The following ROBO2 variants were observed in gnomAD, a reference collection of about 807,000 sequenced individuals.
ROBO2 encodes roundabout guidance receptor 2.
Under a neutral mutation model 160.8 loss-of-function variants are expected in ROBO2, and 53 were observed. The observed-to-expected ratio is 0.33, with a 90% CI of 0.26 to 0.41. The LOEUF is 0.41. ROBO2 is among the 10% of genes least tolerant of loss of function. The pLI is 1.00. For missense variants in ROBO2, 1,577 were observed against 1,722.4 expected (o/e 0.92, Z 1.49); for synonymous variants, 664 against 611.7 (o/e 1.09, Z -1.26).
chr3:76,732,641 T>A (rs1252636736), intron 2 of ROBO2, among the ~76,000 whole-genome samples: 1 of 152,042 alleles, frequency 6.6e-6, no homozygotes. Flanking sequence ...CACTTACTCT[T>A]TGATGGTTGA....
intron 2 of ROBO2, among the ~76,000 whole-genome samples, chr3:77,114,806 A>G (rs1319196245): frequency 1.3e-5 from 2 of 152,188 alleles, no homozygotes; most frequent in Non-Finnish European, 2.9e-5. Flanking sequence ...TATTTGACTT[A>G]CACCTTGTAT....
exon 24 of ROBO2, chr3:77,635,011 C>T: frequency 1.2e-6 from 2 of 1,614,148 alleles, no homozygotes; most frequent in Non-Finnish European, 1.7e-6. Context: ...CAACAACCAG[C>T]ATTGCCTCAT....
At chr3:76,297,656 A>C (rs1380021970) in intron 2 of ROBO2, among the ~76,000 whole-genome samples, 1 of 151,198 alleles carries the variant, frequency 6.6e-6, no homozygotes, top group African/African-American at 2.4e-5. Context: ...ATTGTATTTC[A>C]AGAAAAAAAA....
At chr3:77,382,098 G>A (rs1406326405) in intron 2 of ROBO2, among the ~76,000 whole-genome samples, 1 of 152,074 alleles carries the variant, frequency 6.6e-6, no homozygotes, top group South Asian at 2.1e-4. Context: ...TACCAACAAA[G>A]GAACACATGA....
At chr3:76,083,381 G>T (rs1157737075) in intron 2 of ROBO2, among the ~76,000 whole-genome samples, 1 of 152,056 alleles carries the variant, frequency 6.6e-6, no homozygotes, top group South Asian at 2.1e-4. Context: ...GAGAGTTAAG[G>T]TTGACAAAAA....
intron 2 of ROBO2, among the ~76,000 whole-genome samples, chr3:77,134,350 C>T (rs72891543): frequency 0.11 from 16,984 of 152,066 alleles, 2,053 homozygotes; most frequent in African/African-American, 0.3. Context: ...TTTGTAGTAC[C>T]GATTTTGGTC....
At chr3:77,462,934 G>A (rs1269876384) in intron 2 of ROBO2, among the ~76,000 whole-genome samples, 1 of 152,124 alleles carries the variant, frequency 6.6e-6, no homozygotes, top group Non-Finnish European at 1.5e-5. Flanking sequence ...CCTCCAAAAA[G>A]CCTTCCTTAT....
chr3:77,164,890 G>T (rs2078899253), intron 2 of ROBO2, among the ~76,000 whole-genome samples: 1 of 101,422 alleles, frequency 9.9e-6, no homozygotes, highest in African/African-American at 3.3e-5. Context: ...GGGAGGTGGG[G>T]GGGTCAGCCC....
At chr3:76,441,739 A>T (rs1448821778) in intron 2 of ROBO2, among the ~76,000 whole-genome samples, 1 of 152,190 alleles carries the variant, frequency 6.6e-6, no homozygotes, top group Admixed American at 6.5e-5. Context: ...GAAGAAATGC[A>T]AATTAAATGT....
Position 76,749,644 on chromosome 3 carries a change from A to T in ROBO2, c.110-348370A>T, listed in dbSNP as rs372608299. On this transcript the variant is annotated intron_variant, in intron 2 of 26. Coordinates refer to the ROBO2 transcript ENST00000487694. ...AAATGATAATGAAAGAATATATTTT[A>T]TATTAATGGGTATACAAGTATCAAT... Among the ~76,000 whole-genome samples, 5 of 152,142 alleles carry T rather than the reference A, an allele frequency of 3.3e-5. No homozygotes were observed. The East Asian group carries it at 7.7e-4, about 24-fold the overall frequency.
chr3:77,033,709 A>G (rs1165095870), intron 2 of ROBO2, among the ~76,000 whole-genome samples: 6 of 152,132 alleles, frequency 3.9e-5, no homozygotes, highest in Admixed American at 1.3e-4. Context: ...ATTACAGATG[A>G]GTAATCTTAG....
chr3:76,708,081 C>T (rs980247652), intron 2 of ROBO2, among the ~76,000 whole-genome samples: 1 of 152,146 alleles, frequency 6.6e-6, no homozygotes, highest in South Asian at 2.1e-4. Context: ...AGCAAAAGCA[C>T]ATAGCTCTAG....
intron 2 of ROBO2, among the ~76,000 whole-genome samples, chr3:76,199,906 C>A (rs1404981085): frequency 1.3e-5 from 2 of 152,106 alleles, no homozygotes; most frequent in Non-Finnish European, 2.9e-5. Flanking sequence ...TGAGCCTTAG[C>A]CAAATTCAAG....
intron 2 of ROBO2, among the ~76,000 whole-genome samples, chr3:76,590,106 T>TTA (rs1009233464): frequency 6.6e-6 from 1 of 152,168 alleles, no homozygotes; most frequent in Non-Finnish European, 1.5e-5. Flanking sequence ...CTCTCATGTA[T>TTA]TATATATACG....
At chr3:76,628,829 A>C (rs1251066887) in intron 2 of ROBO2, among the ~76,000 whole-genome samples, 1 of 152,212 alleles carries the variant, frequency 6.6e-6, no homozygotes, top group East Asian at 1.9e-4. Context: ...AATTTCCTCC[A>C]TAAATAAAAG....
chr3:76,450,565 C>G (rs749387613), intron 2 of ROBO2, among the ~76,000 whole-genome samples: 44 of 152,254 alleles, frequency 2.9e-4, no homozygotes, highest in East Asian at 9.7e-4. Flanking sequence ...ATGCTCCAGC[C>G]TCATCCTCTT....
chr3:76,561,282 A>G (rs1184353284), intron 2 of ROBO2, among the ~76,000 whole-genome samples: 1 of 151,798 alleles, frequency 6.6e-6, no homozygotes, highest in African/African-American at 2.4e-5. Context: ...TTACTTAAAG[A>G]GAGGACGAGA....
rs532894071 is a variant in ROBO2, at chr3:76,957,524, A to G, written c.110-140490A>G. 1.1e-4 allele frequency among the ~76,000 whole-genome samples: 17 copies of G among 152,120 alleles called. 1 individual carries two copies. In the South Asian group the frequency reaches 3.5e-3, roughly 32 times the overall value. On this transcript the variant is annotated intron_variant, in intron 2 of 26. Coordinates refer to the ROBO2 transcript ENST00000487694. ...TCTACTGTCTCTGATAGAATCAACTATTTTGGTTACAAAAGTAATACAATT... is the reference window on the plus strand; with the variant it reads ...TCTACTGTCTCTGATAGAATCAACTGTTTTGGTTACAAAAGTAATACAATT...
intron 2 of ROBO2, among the ~76,000 whole-genome samples, chr3:75,940,691 T>C (rs1249074741): frequency 6.6e-6 from 1 of 152,174 alleles, no homozygotes; most frequent in Non-Finnish European, 1.5e-5. Flanking sequence ...TATCTAGCTG[T>C]ATTTTGTCTT....
Sources: gnomAD v4.1 joint callset for allele counts (sites outside exome capture counted in the v4.1 genomes callset) on GRCh38, gnomAD v4.1.1 for gene constraint, MANE v1.5 for transcripts, NCBI Gene and HGNC (gene_info 2026-07-23, HGNC 2026-07-21) for gene names.